The following NAV3 variants were observed in gnomAD, a reference collection of about 807,000 sequenced individuals.
NAV3 encodes the protein neuron navigator 3.
Under a neutral mutation model 244.7 loss-of-function variants are expected in NAV3, and 87 were observed. That is an observed-to-expected ratio of 0.36 (90% CI 0.30 to 0.42). The LOEUF is 0.42. Ranked by LOEUF, NAV3 falls within the 20% of genes least tolerant of loss-of-function variation. The pLI, the probability that NAV3 is intolerant of heterozygous loss-of-function variation, is 1.00. For missense variants in NAV3, 2,663 were observed against 2,893.3 expected (o/e 0.92, Z 1.83); for synonymous variants, 1,126 against 1,042.2 (o/e 1.08, Z -1.55).
At chr12:77,644,548 C>T (rs2136964073) in intron 2 of NAV3, among the ~76,000 whole-genome samples, 1 of 152,106 alleles carries the variant, frequency 6.6e-6, no homozygotes, top group African/African-American at 2.4e-5. Context: ...CATACACAGC[C>T]TAAATGTCAG....
At chr12:77,775,352 A>G (rs182315416) in intron 2 of NAV3, among the ~76,000 whole-genome samples, 211 of 151,456 alleles carry the variant, frequency 1.4e-3, no homozygotes, top group African/African-American at 5.0e-3. Flanking sequence ...AGATTGCACC[A>G]TTGTACTCCA....
At chr12:78,025,872 C>T (rs1237990283) in intron 9 of NAV3, among the ~76,000 whole-genome samples, 1 of 152,132 alleles carries the variant, frequency 6.6e-6, no homozygotes, top group African/African-American at 2.4e-5. Flanking sequence ...GTCTGAAGCC[C>T]TCACCAGAAG....
chr12:77,742,865 T>A (rs962123944), intron 2 of NAV3, among the ~76,000 whole-genome samples: 4 of 151,980 alleles, frequency 2.6e-5, no homozygotes, highest in Non-Finnish European at 5.9e-5. Flanking sequence ...TCCAGTCAAT[T>A]GCAAATAAAA....
chr12:77,968,410 G>A, intron 4 of NAV3, 109 bp from the exon 5 acceptor site: 1 of 850,654 alleles, frequency 1.2e-6, no homozygotes, highest in East Asian at 2.5e-5. Context: ...AGAGAATTAA[G>A]TTGTATCTCT....
At chr12:78,119,991 T>G (rs775351547) in intron 15 of NAV3, 46 bp downstream of exon 15, 3 of 1,462,838 alleles carry the variant, frequency 2.1e-6, no homozygotes, top group Non-Finnish European at 2.8e-6. Flanking sequence ...AGGATAAATA[T>G]GTGTTAGACA....
intron 1 of NAV3, among the ~76,000 whole-genome samples, chr12:77,875,841 T>C (rs1250135611): frequency 6.6e-6 from 1 of 152,100 alleles, no homozygotes; most frequent in African/African-American, 2.4e-5. Context: ...TTTCTATTCA[T>C]GTGTTCATCT....
intron 2 of NAV3, among the ~76,000 whole-genome samples, chr12:77,683,800 G>T (rs957068184): frequency 2.0e-5 from 3 of 151,846 alleles, no homozygotes; most frequent in African/African-American, 4.8e-5. Flanking sequence ...CTTGAATATT[G>T]TTCCATTGTA....
rs7316888 is a variant in NAV3 at position 77,766,663 on chromosome 12, A to C, written c.73-173656A>C. Among the ~76,000 whole-genome samples the C allele has an allele frequency of 2.0e-5, 3 of 151,424 alleles. No homozygotes were observed. In the East Asian group the frequency reaches 5.8e-4, roughly 29 times the overall value. On this transcript the variant is annotated intron_variant, in intron 2 of 8. Coordinates refer to the NAV3 transcript ENST00000550042. ...GTCTCTTTCTATTTTTTAAAATGGTAATCTTGACCAAATCATATCTAGGGT... is the reference window on the plus strand; with the variant it reads ...GTCTCTTTCTATTTTTTAAAATGGTCATCTTGACCAAATCATATCTAGGGT...
chr12:77,669,881 C>G (rs187040253), intron 2 of NAV3, among the ~76,000 whole-genome samples: 52 of 152,124 alleles, frequency 3.4e-4, no homozygotes, highest in African/African-American at 1.3e-3. Flanking sequence ...TACCCAACAA[C>G]TGCAGAATAT....
At chr12:78,187,511 A>G (rs1188771462) in intron 31 of NAV3, among the ~76,000 whole-genome samples, 2 of 151,876 alleles carry the variant, frequency 1.3e-5, no homozygotes, top group Non-Finnish European at 2.9e-5. Context: ...ACAAATTTTG[A>G]ATTATTTACC....
chr12:77,945,660 A>G (rs558120112), intron 3 of NAV3, among the ~76,000 whole-genome samples: 128 of 152,322 alleles, frequency 8.4e-4, no homozygotes, highest in Middle Eastern at 3.4e-3. Flanking sequence ...AGGAATTTAA[A>G]TTAATATAAC....
chr12:78,159,019 A>G (rs1424900088), intron 22 of NAV3, among the ~76,000 whole-genome samples, 184 bp from the exon 23 acceptor site: 1 of 152,164 alleles, frequency 6.6e-6, no homozygotes, highest in Non-Finnish European at 1.5e-5. Flanking sequence ...TAAGAAGACA[A>G]AGTTTAGAAA....
At chr12:77,910,062 C>T (rs1386973926) in intron 1 of NAV3, among the ~76,000 whole-genome samples, 2 of 152,052 alleles carry the variant, frequency 1.3e-5, no homozygotes, top group Non-Finnish European at 2.9e-5. Flanking sequence ...AAATATGTCT[C>T]ATAGGGAGTT....
chr12:78,176,625 A>G (rs917854944), intron 26 of NAV3, among the ~76,000 whole-genome samples, 166 bp downstream of exon 26: 1 of 152,264 alleles, frequency 6.6e-6, no homozygotes, highest in East Asian at 1.9e-4. Flanking sequence ...AAAGAGATGT[A>G]AAACCACTTT....
At chr12:78,089,605 G>A (rs1369886992) in intron 12 of NAV3, among the ~76,000 whole-genome samples, 1 of 151,994 alleles carries the variant, frequency 6.6e-6, no homozygotes, top group African/African-American at 2.4e-5. Context: ...AGTGATTTTT[G>A]TAATGTTTAT....
chr12:78,121,842 A>G, intron 15 of NAV3, 98 bp from the exon 16 acceptor site: 5 of 1,465,500 alleles, frequency 3.4e-6, no homozygotes, highest in Non-Finnish European at 4.6e-6. Context: ...AGTTCAGTAC[A>G]TCAAAGCACA....
At chr12:77,804,436 C>T (rs1358980729) in intron 2 of NAV3, among the ~76,000 whole-genome samples, 1 of 152,076 alleles carries the variant, frequency 6.6e-6, no homozygotes, top group African/African-American at 2.4e-5. Flanking sequence ...GAATCATTTC[C>T]CCATTGCTTG....
chr12:77,969,250 A>G (rs1892791517), intron 5 of NAV3, among the ~76,000 whole-genome samples: 2 of 151,950 alleles, frequency 1.3e-5, no homozygotes, highest in South Asian at 2.1e-4. Flanking sequence ...ATGTAGACAC[A>G]GCCTGGTGGA....
At chr12:77,842,363 G>A (rs1407494767) in intron 1 of NAV3, among the ~76,000 whole-genome samples, 5 of 151,904 alleles carry the variant, frequency 3.3e-5, no homozygotes, top group Middle Eastern at 3.4e-3. Context: ...CTGAAAGCAG[G>A]TCTCTCTCTT....
Sources: gnomAD v4.1 joint callset for allele counts (sites outside exome capture counted in the v4.1 genomes callset) on GRCh38, gnomAD v4.1.1 for gene constraint, MANE v1.5 for transcripts, NCBI Gene and HGNC (gene_info 2026-07-23, HGNC 2026-07-21) for gene names.